The following HERPUD2 variants were observed in gnomAD, a reference collection of about 807,000 sequenced individuals.
HERPUD2 encodes HERPUD family member 2, also known as homocysteine-responsive endoplasmic reticulum-resident ubiquitin-like domain member 2 protein.
Under a neutral mutation model 49.9 loss-of-function variants are expected in HERPUD2, and 13 were observed. That is an observed-to-expected ratio of 0.26 (90% CI 0.17 to 0.41). The LOEUF is 0.41. Among genes scored for constraint, HERPUD2 ranks in the 10% least tolerant of loss-of-function variants. HERPUD2 has a pLI of 1.00. For missense variants in HERPUD2, 449 were observed against 492.2 expected, an observed-to-expected ratio of 0.91 and a Z score of 0.83; for synonymous variants, 172 against 171.4, an observed-to-expected ratio of 1.00 and a Z score of -0.03.
At position 35,676,545 on chromosome 7, in the gene HERPUD2, T is replaced by C. The variant is rs187043077; in HGVS notation, c.148-3267A>G. Reference sequence around the variant, plus strand: ...CATGCCCCAGACCTAGAATCAGCCATTGCTCCAGGATCCATGATTCATTTT... The same window carrying C: ...CATGCCCCAGACCTAGAATCAGCCACTGCTCCAGGATCCATGATTCATTTT... On this transcript the variant is annotated intron_variant, in intron 2 of 8. Transcript: ENST00000311350. Among the ~76,000 whole-genome samples, 79 of 152,302 alleles carry C rather than the reference T, an allele frequency of 5.2e-4. No individual in the cohort carries two copies. In the East Asian group the frequency reaches 0.011, roughly 22 times the overall value.
chr7:35,650,996 A>C (rs1347219419), intron 5 of HERPUD2, among the ~76,000 whole-genome samples: 1 of 152,130 alleles, frequency 6.6e-6, no homozygotes, highest in Non-Finnish European at 1.5e-5. Flanking sequence ...TTGGCACCTG[A>C]GTACTCCTCC....
intron 2 of HERPUD2, among the ~76,000 whole-genome samples, chr7:35,691,964 C>T (rs917809246): frequency 6.6e-6 from 1 of 152,192 alleles, no homozygotes; most frequent in African/African-American, 2.4e-5. Flanking sequence ...ACACATACCC[C>T]CACCGCTCCA....
intron 2 of HERPUD2, among the ~76,000 whole-genome samples, chr7:35,677,231 A>G (rs1025911344): frequency 1.3e-5 from 2 of 152,214 alleles, no homozygotes; most frequent in Non-Finnish European, 2.9e-5. Context: ...GTAGTACAGT[A>G]TACTTACTCT....
intron 2 of HERPUD2, among the ~76,000 whole-genome samples, chr7:35,682,825 CAA>C (rs34729704): frequency 9.3e-5 from 12 of 129,142 alleles, no homozygotes; most frequent in African/African-American, 8.8e-5. Flanking sequence ...ACAACAGCTG[CAA>C]AAAAAAAAAA....
intron 5 of HERPUD2, among the ~76,000 whole-genome samples, chr7:35,658,432 A>C (rs571377208): frequency 6.6e-6 from 1 of 152,300 alleles, no homozygotes; most frequent in South Asian, 2.1e-4. Context: ...ACAATGCTGT[A>C]AATTTCAAAA....
At chr7:35,650,010 T>C (rs1319962796) in intron 5 of HERPUD2, among the ~76,000 whole-genome samples, 2 of 152,088 alleles carry the variant, frequency 1.3e-5, no homozygotes, top group Non-Finnish European at 2.9e-5. Flanking sequence ...GAATTTTATT[T>C]TTGGTTTATA....
At chr7:35,672,393 C>A (rs866623725) in intron 3 of HERPUD2, among the ~76,000 whole-genome samples, 1 of 151,976 alleles carries the variant, frequency 6.6e-6, no homozygotes, top group South Asian at 2.1e-4. Flanking sequence ...CAAGAAGTCA[C>A]ATTGGCAAAG....
At chr7:35,684,887 C>A (rs1198950600) in intron 2 of HERPUD2, among the ~76,000 whole-genome samples, 1 of 152,028 alleles carries the variant, frequency 6.6e-6, no homozygotes, top group Non-Finnish European at 1.5e-5. Context: ...TACCCAATAA[C>A]CTATGGAAAT....
At chr7:35,651,147 T>A (rs1199181595) in intron 5 of HERPUD2, among the ~76,000 whole-genome samples, 1 of 151,950 alleles carries the variant, frequency 6.6e-6, no homozygotes, top group Non-Finnish European at 1.5e-5. Flanking sequence ...GAGCCAGAGG[T>A]TTGTCCCACC....
chr7:35,694,137 G>A, intron 2 of HERPUD2, 47 bp downstream of exon 2: 1 of 1,609,084 alleles, frequency 6.2e-7, no homozygotes, highest in Non-Finnish European at 8.5e-7. Flanking sequence ...TACACGGCAC[G>A]AAAAGCTGCT....
intron 5 of HERPUD2, among the ~76,000 whole-genome samples, chr7:35,650,076 A>G (rs1207519764): frequency 1.3e-5 from 2 of 152,142 alleles, no homozygotes; most frequent in African/African-American, 4.8e-5. Context: ...AAATCAGACA[A>G]TAGGGATTCT....
intron 2 of HERPUD2, among the ~76,000 whole-genome samples, chr7:35,681,909 G>A (rs1171710371): frequency 5.3e-5 from 8 of 152,118 alleles, no homozygotes; most frequent in African/African-American, 7.2e-5. Flanking sequence ...CTAGAATTAG[G>A]CAGTGATTAT....
intron 5 of HERPUD2, among the ~76,000 whole-genome samples, chr7:35,642,482 T>C (rs1784981843): frequency 6.6e-6 from 1 of 152,088 alleles, no homozygotes; most frequent in Non-Finnish European, 1.5e-5. Flanking sequence ...GAAATATAAA[T>C]CATTCTATCA....
intron 2 of HERPUD2, among the ~76,000 whole-genome samples, chr7:35,687,076 A>G (rs1786080366): frequency 6.6e-6 from 1 of 152,064 alleles, no homozygotes; most frequent in Admixed American, 6.5e-5. Flanking sequence ...GCAAACCAAA[A>G]CAAACCCATT....
chr7:35,633,942 G>GCT, intron 8 of HERPUD2, 91 bp from the exon 9 acceptor site: 2 of 1,299,756 alleles, frequency 1.5e-6, no homozygotes, highest in Non-Finnish European at 2.1e-6. Context: ...TAGAACAAAG[G>GCT]ACTATGAAGT....
At position 35,635,154 on chromosome 7, in the gene HERPUD2, C is replaced by T. The variant is rs1784849008; in HGVS notation, c.922G>A (p.Ala308Thr). The change falls in exon 7 of 9, where the codon GCC becomes ACC. Residue 308 changes from alanine (A) to threonine (T), a missense_variant. By Grantham distance (58) the Ala-to-Thr change is moderately conservative. Coordinates refer to ENST00000311350, the MANE Select transcript of HERPUD2 (RefSeq NM_022373.5). Reference sequence around the variant, plus strand: ...ACTCACAAATAAACCAGTAGCATGGCTCCCATTACCATGATAAACCGACTA... The same window carrying T: ...ACTCACAAATAAACCAGTAGCATGGTTCCCATTACCATGATAAACCGACTA... ...SFSRFIMVMGAMLLVYLHQAG... is the reference protein window; with the variant it reads ...SFSRFIMVMGTMLLVYLHQAG... The T allele has an allele frequency of 4.3e-6, 7 of 1,612,908 alleles. No homozygotes were observed. Among genetic ancestry groups the T allele is most frequent in the Non-Finnish European group, 5.9e-6 (7 of 1,178,942 alleles).
chr7:35,638,883 T>C (rs1159047132), intron 5 of HERPUD2, among the ~76,000 whole-genome samples: 1 of 152,186 alleles, frequency 6.6e-6, no homozygotes, highest in Non-Finnish European at 1.5e-5. Flanking sequence ...TGATATTTTA[T>C]ATTAGTAATA....
Position 35,691,301 on chromosome 7 carries a change from G to T in HERPUD2, c.147+2883C>A, listed in dbSNP as rs144062354. Among the ~76,000 whole-genome samples the T allele has an allele frequency of 1.6e-4, 24 of 152,292 alleles. No individual in the cohort carries two copies. The East Asian group carries it at 3.9e-3, about 24-fold the overall frequency. On this transcript the variant is annotated intron_variant, in intron 2 of 8. Transcript: ENST00000311350. ...TCTGACCATGAAGCTAGGATCCCAA[G>T]ATTTTACAACTTCATAGAGTTCAGC...
At chr7:35,681,069 A>G (rs1785879091) in intron 2 of HERPUD2, among the ~76,000 whole-genome samples, 1 of 152,244 alleles carries the variant, frequency 6.6e-6, no homozygotes. Context: ...ATGAATCACA[A>G]CATTAAAACA....
Sources: allele counts gnomAD v4.1 joint callset (sites outside exome capture counted in the v4.1 genomes callset), GRCh38; gene constraint gnomAD v4.1.1; transcripts MANE v1.5; gene names NCBI Gene and HGNC (gene_info 2026-07-23, HGNC 2026-07-21).